MTFR1: variants seen among roughly 807,000 people sequenced by gnomAD.
The protein encoded by MTFR1 is mitochondrial fission regulator 1.
Under a neutral mutation model 38.8 loss-of-function variants are expected in MTFR1, and 28 were observed. The observed-to-expected ratio is 0.72, with a 90% CI of 0.53 to 0.99. MTFR1 has a LOEUF of 0.99. Ranked by LOEUF, MTFR1 falls within the 50% of genes least tolerant of loss-of-function variation. The probability of loss-of-function intolerance (pLI) is 0.00; values close to 1 mark genes in which losing one functional copy is unlikely to be tolerated. For synonymous variants in MTFR1, 145 were observed against 137.0 expected (o/e 1.06, Z -0.41); for missense variants, 358 against 395.5 (o/e 0.91, Z 0.81).
chr8:65,729,653 T>G (rs908327158), intron 3 of MTFR1, among the ~76,000 whole-genome samples: 1 of 151,898 alleles, frequency 6.6e-6, no homozygotes, highest in African/African-American at 2.4e-5. Context: ...AGCCTCTGCC[T>G]CCCAGGTTCA....
At chr8:65,652,267 C>T (rs560458730) in intron 1 of MTFR1, among the ~76,000 whole-genome samples, 178 of 152,198 alleles carry the variant, frequency 1.2e-3, no homozygotes, top group African/African-American at 2.4e-3. Flanking sequence ...TTACCACACC[C>T]GGCAAATTTT....
intron 3 of MTFR1, among the ~76,000 whole-genome samples, chr8:65,741,098 T>C (rs1298451316): frequency 6.6e-6 from 1 of 152,238 alleles, no homozygotes; most frequent in African/African-American, 2.4e-5. Context: ...TAACTCTCCA[T>C]TTTTTATACC....
At chr8:65,754,291 C>T (rs1038400448) in intron 3 of MTFR1, among the ~76,000 whole-genome samples, 1 of 152,090 alleles carries the variant, frequency 6.6e-6, no homozygotes, top group Non-Finnish European at 1.5e-5. Flanking sequence ...CCAGCCCACT[C>T]GCTCAAATGT....
At chr8:65,682,081 G>A (rs1804911607) in intron 2 of MTFR1, 1 of 176,884 alleles carries the variant, frequency 5.7e-6, no homozygotes, top group Non-Finnish European at 1.2e-5. Flanking sequence ...AATTTTTACT[G>A]TAAGTATAGT....
intron 3 of MTFR1, among the ~76,000 whole-genome samples, chr8:65,684,782 A>G (rs752847224): frequency 3.3e-5 from 5 of 151,284 alleles, no homozygotes; most frequent in Non-Finnish European, 7.4e-5. Flanking sequence ...AGGTGGGTGG[A>G]TCACCTGAGG....
chr8:65,663,394 G>C (rs570578870), intron 1 of MTFR1, among the ~76,000 whole-genome samples: 2,774 of 151,846 alleles, frequency 0.018, 22 homozygotes, highest in African/African-American at 0.025. Flanking sequence ...CAAACACTGT[G>C]GAAGGCCGCA....
chr8:65,685,539 C>CA (rs1170305370), intron 3 of MTFR1, among the ~76,000 whole-genome samples: 1 of 151,958 alleles, frequency 6.6e-6, no homozygotes, highest in East Asian at 1.9e-4. Context: ...GTTTAGTAAC[C>CA]AAAAAAGTAA....
At chr8:65,664,898 T>C (rs1425225829) in intron 1 of MTFR1, among the ~76,000 whole-genome samples, 4 of 150,842 alleles carry the variant, frequency 2.7e-5, no homozygotes, top group Non-Finnish European at 5.9e-5. Context: ...CAAAGAAATA[T>C]TTGACATTTT....
At chr8:65,739,614 G>A (rs774291417) in intron 3 of MTFR1, 3 of 1,497,382 alleles carry the variant, frequency 2.0e-6, no homozygotes, top group East Asian at 5.0e-5. Flanking sequence ...AGAAAGAAGA[G>A]ACATTACATT....
At chr8:65,708,091 C>A in intron 7 of MTFR1, 80 bp downstream of exon 7, 1 of 1,603,766 alleles carries the variant, frequency 6.2e-7, no homozygotes, top group South Asian at 1.1e-5. Flanking sequence ...GCAAGTGATT[C>A]ACCTGTGTCA....
intron 1 of MTFR1, among the ~76,000 whole-genome samples, chr8:65,655,945 A>G (rs1193308856): frequency 1.2e-4 from 2 of 17,032 alleles, no homozygotes; most frequent in Admixed American, 8.1e-4. Flanking sequence ...CTGTCTTAAA[A>G]AAAAAAATAT....
At chr8:65,761,100 C>A (rs1808472767) in intron 3 of MTFR1, among the ~76,000 whole-genome samples, 1 of 151,266 alleles carries the variant, frequency 6.6e-6, no homozygotes, top group Non-Finnish European at 1.5e-5. Context: ...CGCCCTGTGG[C>A]GTAGGCTAGA....
At chr8:65,686,256 C>T (rs1338748947) in intron 3 of MTFR1, among the ~76,000 whole-genome samples, 1 of 152,076 alleles carries the variant, frequency 6.6e-6, no homozygotes, top group Non-Finnish European at 1.5e-5. Flanking sequence ...AATCCAGCAA[C>T]AAATAGTATG....
rs756806538 is a variant in MTFR1, at chr8:65,747,801, G to C, written c.*49-23146G>C. On this transcript the variant is annotated intron_variant, in intron 3 of 3. Transcript: ENST00000521247. ...GAGACAGACACTTCAATTTCAGATTGAGCTGAAATAAAAAGAATAAAAGGT... is the reference window on the plus strand; with the variant it reads ...GAGACAGACACTTCAATTTCAGATTCAGCTGAAATAAAAAGAATAAAAGGT... The C allele has an allele frequency of 6.9e-6, 11 of 1,596,780 alleles. No homozygotes were observed. Among genetic ancestry groups the C allele is most frequent in the Admixed American group, 5.2e-5 (3 of 58,158 alleles).
At chr8:65,719,309 T>C (rs779945757) in intron 2 of MTFR1, 3 of 1,613,752 alleles carry the variant, frequency 1.9e-6, no homozygotes, top group Non-Finnish European at 2.5e-6. Context: ...CCGATTTTCC[T>C]GAGGTAATAA....
At chr8:65,686,943 C>G (rs1805102737) in intron 3 of MTFR1, among the ~76,000 whole-genome samples, 1 of 151,394 alleles carries the variant, frequency 6.6e-6, no homozygotes, top group Admixed American at 6.6e-5. Flanking sequence ...AAAAAAGTAA[C>G]CAACAAATGT....
At position 65,669,872 on chromosome 8, in the gene MTFR1, G is replaced by A. The variant is rs959999036; in HGVS notation, c.-80-1G>A. The A allele has an allele frequency of 9.3e-7, 1 of 1,070,610 alleles. No individual in the cohort carries two copies. The allele number at this position is 1,070,610 out of a possible 1,614,324, so 66.3% of individuals were successfully genotyped here. A position where few individuals can be genotyped will look rare whatever the true frequency, so the allele number is the denominator to read the frequency against. ...TTAGTATTTGCATTTTAAATTTTCAGTGTGTTTTATGGACCATGTGCTGCT... is the reference window on the plus strand; with the variant it reads ...TTAGTATTTGCATTTTAAATTTTCAATGTGTTTTATGGACCATGTGCTGCT... On this transcript the variant is annotated splice_acceptor_variant, in intron 1 of 7. Transcript: ENST00000262146. LOFTEE classifies it low-confidence loss of function (5UTR_SPLICE).
intron 4 of MTFR1, among the ~76,000 whole-genome samples, chr8:65,699,463 G>T (rs1044414184): frequency 7.2e-5 from 11 of 152,162 alleles, no homozygotes; most frequent in Non-Finnish European, 1.2e-4. Flanking sequence ...CACCAGCAGG[G>T]TATAAGTATT....
chr8:65,696,824 C>G (rs901583685), intron 4 of MTFR1, among the ~76,000 whole-genome samples: 3 of 151,546 alleles, frequency 2.0e-5, no homozygotes, highest in Admixed American at 2.0e-4. Context: ...CCATACCTGC[C>G]TAATTTTTGT....
Sources: allele counts gnomAD v4.1 joint callset (sites outside exome capture counted in the v4.1 genomes callset), GRCh38; gene constraint gnomAD v4.1.1; transcripts MANE v1.5; gene names NCBI Gene and HGNC (gene_info 2026-07-23, HGNC 2026-07-21).